EHBP1: variants seen among roughly 807,000 people sequenced by gnomAD.
EHBP1 encodes the protein EH domain-binding protein 1.
In EHBP1, 55 loss-of-function variants were observed where a neutral mutation model predicts 144.0. The ratio of observed to expected loss-of-function variants is 0.38; its 90% CI spans 0.31 to 0.48. The LOEUF (loss-of-function observed/expected upper bound fraction) is 0.48, where lower values mean the gene tolerates loss of function less well. EHBP1 is among the 20% of genes least tolerant of loss of function. EHBP1 has a pLI of 0.98. For synonymous variants in EHBP1, 469 were observed against 472.7 expected, an observed-to-expected ratio of 0.99 and a Z score of 0.10; for missense variants, 1,200 against 1,364.2, an observed-to-expected ratio of 0.88 and a Z score of 1.90.
intron 5 of EHBP1, among the ~76,000 whole-genome samples, chr2:62,816,288 T>C (rs1267221811): frequency 6.6e-6 from 1 of 152,196 alleles, no homozygotes; most frequent in Non-Finnish European, 1.5e-5. Flanking sequence ...ATAGAGACAC[T>C]CTTCTTATTA....
intron 13 of EHBP1, among the ~76,000 whole-genome samples, chr2:62,954,788 A>G (rs941617422): frequency 6.6e-6 from 1 of 152,160 alleles, no homozygotes; most frequent in African/African-American, 2.4e-5. Flanking sequence ...AGTAATAGAC[A>G]TCTAAAGCCA....
chr2:62,914,983 T>C (rs1249828206), intron 10 of EHBP1, among the ~76,000 whole-genome samples: 1 of 152,036 alleles, frequency 6.6e-6, no homozygotes, highest in Non-Finnish European at 1.5e-5. Context: ...GATATTACAT[T>C]TATATGTGCT....
intron 1 of EHBP1, among the ~76,000 whole-genome samples, chr2:62,698,242 T>A (rs1357973448): frequency 2.6e-5 from 4 of 152,248 alleles, no homozygotes; most frequent in Non-Finnish European, 5.9e-5. Context: ...GTTGTGACCT[T>A]TAAATATGCT....
At chr2:62,778,483 G>A (rs2042193279) in intron 5 of EHBP1, among the ~76,000 whole-genome samples, 2 of 149,906 alleles carry the variant, frequency 1.3e-5, no homozygotes. Context: ...GGTTGAGACT[G>A]TAATGAGCTC....
intron 6 of EHBP1, 73 bp from the exon 7 acceptor site, chr2:62,830,946 G>C: frequency 6.7e-7 from 1 of 1,491,720 alleles, no homozygotes; most frequent in Non-Finnish European, 9.1e-7. Context: ...GGAATTTATT[G>C]TTTTCTTAAG....
At chr2:62,879,092 C>G (rs1318332607) in intron 10 of EHBP1, among the ~76,000 whole-genome samples, 1 of 151,822 alleles carries the variant, frequency 6.6e-6, no homozygotes, top group African/African-American at 2.4e-5. Flanking sequence ...ATTTAACATC[C>G]CTTCATGTTA....
intron 2 of EHBP1, among the ~76,000 whole-genome samples, chr2:62,713,658 A>G (rs1250036512): frequency 6.6e-6 from 1 of 152,210 alleles, no homozygotes; most frequent in Non-Finnish European, 1.5e-5. Context: ...GCTTGCTTCT[A>G]GAGAGGTTAG....
chr2:62,930,579 C>T (rs930482587), intron 10 of EHBP1, among the ~76,000 whole-genome samples: 1 of 151,914 alleles, frequency 6.6e-6, no homozygotes, highest in East Asian at 1.9e-4. Context: ...AAAAACAAGC[C>T]TCGAAAAGAA....
chr2:62,868,480 G>A (rs958463113), intron 9 of EHBP1, among the ~76,000 whole-genome samples: 15 of 151,930 alleles, frequency 9.9e-5, no homozygotes, highest in African/African-American at 3.6e-4. Flanking sequence ...AAAACACAAA[G>A]GATAAAACAA....
At chr2:62,740,925 T>G (rs2038643612) in intron 2 of EHBP1, among the ~76,000 whole-genome samples, 1 of 152,120 alleles carries the variant, frequency 6.6e-6, no homozygotes, top group Admixed American at 6.6e-5. Context: ...ATTATTGTTA[T>G]GTGTTTTTTT....
intron 1 of EHBP1, among the ~76,000 whole-genome samples, chr2:62,691,394 G>A (rs1210977491): frequency 2.0e-5 from 3 of 152,136 alleles, no homozygotes; most frequent in Admixed American, 6.5e-5. Flanking sequence ...GAAAGGAAAG[G>A]CACACTCCCT....
chr2:62,824,046 T>C (rs1239931463), intron 5 of EHBP1, among the ~76,000 whole-genome samples: 1 of 152,008 alleles, frequency 6.6e-6, no homozygotes, highest in Non-Finnish European at 1.5e-5. Context: ...ACCAGATGCT[T>C]AAAAAACACA....
chr2:62,810,802 C>T (rs78995299), intron 5 of EHBP1, among the ~76,000 whole-genome samples: 15,209 of 152,208 alleles, frequency 0.1, 1,006 homozygotes, highest in Non-Finnish European at 0.14. Flanking sequence ...AGTTTTGTTT[C>T]TTGTTTAAGG....
At chr2:62,992,282 G>A (rs557992841) in intron 16 of EHBP1, among the ~76,000 whole-genome samples, 90 of 152,036 alleles carry the variant, frequency 5.9e-4, no homozygotes, top group African/African-American at 2.0e-3. Flanking sequence ...TAGAATAAAA[G>A]CCAAAACTGT....
intron 5 of EHBP1, among the ~76,000 whole-genome samples, chr2:62,812,429 T>C (rs911868590): frequency 2.6e-5 from 4 of 152,316 alleles, no homozygotes; most frequent in African/African-American, 9.6e-5. Context: ...AAAAAATGCC[T>C]AGATTCCTAT....
chr2:62,977,868 G>A (rs1400659358), intron 14 of EHBP1, among the ~76,000 whole-genome samples: 1 of 152,288 alleles, frequency 6.6e-6, no homozygotes. Context: ...GGAAATGGTT[G>A]GGGGGATAGT....
intron 19 of EHBP1, among the ~76,000 whole-genome samples, chr2:63,032,187 A>G (rs1226562941): frequency 6.6e-6 from 1 of 151,884 alleles, no homozygotes; most frequent in Non-Finnish European, 1.5e-5. Context: ...ATACATATGT[A>G]ACAAACCTGT....
intron 19 of EHBP1, among the ~76,000 whole-genome samples, chr2:63,016,188 A>T (rs1316222859): frequency 2.7e-4 from 41 of 152,184 alleles, no homozygotes; most frequent in Admixed American, 2.6e-3. Flanking sequence ...ACATCTGTTG[A>T]TAGACTCTAA....
chr2:62,967,872 C>A (rs1220675109), intron 14 of EHBP1, among the ~76,000 whole-genome samples: 1 of 151,920 alleles, frequency 6.6e-6, no homozygotes, highest in African/African-American at 2.4e-5. Context: ...TATAATATTA[C>A]TTCTTTTTTT....
Sources: allele counts gnomAD v4.1 joint callset (sites outside exome capture counted in the v4.1 genomes callset), GRCh38; gene constraint gnomAD v4.1.1; transcripts MANE v1.5; gene names NCBI Gene and HGNC (gene_info 2026-07-23, HGNC 2026-07-21).